The following GLT8D2 variants were observed in gnomAD, a reference collection of about 807,000 sequenced individuals.
GLT8D2 encodes glycosyltransferase 8 domain containing 2, also known as glycosyltransferase 8 domain-containing protein 2.
In GLT8D2, 45 loss-of-function variants were observed where a neutral mutation model predicts 44.5. That is an observed-to-expected ratio of 1.01 (90% confidence interval 0.80 to 1.30). GLT8D2 has a LOEUF of 1.30. GLT8D2 is among the 50% of genes most tolerant of loss of function. The pLI, the probability that GLT8D2 is intolerant of heterozygous loss-of-function variation, is 0.00. For synonymous variants in GLT8D2, 156 were observed against 157.2 expected (o/e 0.99, Z 0.06); for missense variants, 400 against 430.4 (o/e 0.93, Z 0.62).
intron 1 of GLT8D2, among the ~76,000 whole-genome samples, chr12:104,063,686 C>A (rs1324540934): frequency 2.0e-5 from 3 of 152,112 alleles, no homozygotes; most frequent in Non-Finnish European, 4.4e-5. Flanking sequence ...GTGTTGGAAT[C>A]CTGGCCCCAG....
intron 1 of GLT8D2, among the ~76,000 whole-genome samples, chr12:104,021,943 A>AGG (rs1877820675): frequency 4.6e-5 from 1 of 21,636 alleles, no homozygotes; most frequent in Non-Finnish European, 8.9e-5. Context: ...GAAGAAGAAG[A>AGG]AGAAGAAGAA....
intron 3 of GLT8D2, among the ~76,000 whole-genome samples, chr12:104,018,600 G>T (rs189040425): frequency 6.6e-6 from 1 of 152,112 alleles, no homozygotes; most frequent in African/African-American, 2.4e-5. Context: ...ACGGCCGGGC[G>T]CAGTGCCTCA....
chr12:103,990,683 A>C (rs1872645022), intron 10 of GLT8D2, among the ~76,000 whole-genome samples: 1 of 152,222 alleles, frequency 6.6e-6, no homozygotes, highest in Non-Finnish European at 1.5e-5. Context: ...TCTGTTACTA[A>C]TAAACATAGC....
intron 1 of GLT8D2, among the ~76,000 whole-genome samples, chr12:104,047,122 C>T (rs559311312): frequency 3.9e-5 from 6 of 152,244 alleles, no homozygotes; most frequent in Middle Eastern, 3.4e-3. Context: ...AGCCACCATG[C>T]CAGCCTGAAC....
At chr12:104,009,937 C>T (rs575034067) in intron 4 of GLT8D2, among the ~76,000 whole-genome samples, 2 of 152,126 alleles carry the variant, frequency 1.3e-5, no homozygotes, top group South Asian at 4.1e-4. Flanking sequence ...CCAATTAAAC[C>T]TCTTTTTTTC....
At chr12:104,063,485 G>A (rs546173847) in intron 1 of GLT8D2, among the ~76,000 whole-genome samples, 12 of 152,288 alleles carry the variant, frequency 7.9e-5, no homozygotes, top group African/African-American at 2.4e-4. Flanking sequence ...GCTCGAGCTT[G>A]CAGTGAGCTC....
intron 4 of GLT8D2, among the ~76,000 whole-genome samples, chr12:104,007,662 G>A (rs1875252786): frequency 6.6e-6 from 1 of 152,222 alleles, no homozygotes. Context: ...GGAATTAGGA[G>A]TGATTTTGAT....
chr12:104,013,106 C>T (rs575818265), intron 4 of GLT8D2, among the ~76,000 whole-genome samples: 1 of 152,172 alleles, frequency 6.6e-6, no homozygotes, highest in African/African-American at 2.4e-5. Flanking sequence ...CCATTGTAAG[C>T]GTACAGTACA....
At chr12:104,053,134 G>A (rs1007874088), upstream of GLT8D2, among the ~76,000 whole-genome samples, 1 of 152,148 alleles carries the variant, frequency 6.6e-6, no homozygotes, top group Non-Finnish European at 1.5e-5. Context: ...ACATGTCCCA[G>A]GCATCATGTG....
Position 104,055,284 on chromosome 12 carries a change from C to T in GLT8D2, c.-422-4996G>A, listed in dbSNP as rs114106839. Among the ~76,000 whole-genome samples, 1,488 of 152,308 alleles carry T rather than the reference C, an allele frequency of 9.8e-3. 26 individuals carry two copies. Among genetic ancestry groups the T allele is most frequent in the African/African-American group, 0.034 (1,393 of 41,548 alleles). ...AGTCAGAGGGCAAGAAGCTCAAGTGCTATAATCCATTCAGGTCAGCCTCTC... is the reference window on the plus strand; with the variant it reads ...AGTCAGAGGGCAAGAAGCTCAAGTGTTATAATCCATTCAGGTCAGCCTCTC... On this transcript the variant is annotated intron_variant, in intron 1 of 10. Transcript: ENST00000548660.
intron 1 of GLT8D2, among the ~76,000 whole-genome samples, chr12:104,027,130 C>T (rs1385663): frequency 0.89 from 136,197 of 152,264 alleles, 61,011 homozygotes; most frequent in East Asian, 1. Flanking sequence ...TTTATTTTCC[C>T]GGGCTATAGA....
upstream of GLT8D2, among the ~76,000 whole-genome samples, chr12:104,051,680 T>A (rs1183747134): frequency 6.6e-6 from 1 of 152,114 alleles, no homozygotes; most frequent in Non-Finnish European, 1.5e-5. Flanking sequence ...ATTCCTCCTA[T>A]CTAGCTATAA....
At chr12:104,060,648 C>T (rs551937732) in intron 1 of GLT8D2, among the ~76,000 whole-genome samples, 29 of 152,226 alleles carry the variant, frequency 1.9e-4, no homozygotes, top group South Asian at 8.3e-4. Context: ...AGAGGCTGGG[C>T]GCAGTGGCTC....
intron 1 of GLT8D2, among the ~76,000 whole-genome samples, chr12:104,062,896 G>A (rs902434882): frequency 3.3e-5 from 5 of 152,126 alleles, no homozygotes; most frequent in Non-Finnish European, 7.4e-5. Context: ...CGGCCTGTTC[G>A]GAACCCCCAT....
chr12:104,056,937 A>G lies in GLT8D2; in HGVS notation c.-422-6649T>C, dbSNP rs140111528. On this transcript the variant is annotated intron_variant, in intron 1 of 10. Transcript: ENST00000548660. ...AACATTGTAAAAAATGGACGATAGA[A>G]TTTGCCAATAAAGATAAAAGTGAAG... Among the ~76,000 whole-genome samples, 1,318 of 152,346 alleles carry G rather than the reference A, an allele frequency of 8.7e-3. 20 individuals carry two copies. Among genetic ancestry groups the G allele is most frequent in the African/African-American group, 0.029 (1,217 of 41,584 alleles).
rs68019401 is a variant in GLT8D2 at position 104,045,937 on chromosome 12, A to AAGAAAGAAAGAG, written c.-164+3957_-164+3958insCTCTTTCTTTCT. On this transcript the variant is annotated intron_variant, in intron 1 of 10. Transcript: ENST00000360814. ...AAAGAAAGAAAGAAAGAAAGAAAGA[A>AAGAAAGAAAGAG]AAAGAAAGAAAGAAAGAAAATAAGA... 7.7e-3 allele frequency among the ~76,000 whole-genome samples: 873 copies of AAGAAAGAAAGAG among 113,626 alleles called. 16 individuals carry two copies. Among genetic ancestry groups the AAGAAAGAAAGAG allele is most frequent in the East Asian group, 0.055 (212 of 3,872 alleles). 74.5% of individuals were successfully genotyped at this position (113,626 alleles called of 152,430 possible).
chr12:104,019,301 T>A (rs1006371388), intron 3 of GLT8D2, among the ~76,000 whole-genome samples: 14 of 151,974 alleles, frequency 9.2e-5, no homozygotes, highest in Admixed American at 2.0e-4. Context: ...CTAATTTTTG[T>A]ATTTTTTGTA....
intron 10 of GLT8D2, among the ~76,000 whole-genome samples, chr12:103,993,052 C>T (rs1431155150): frequency 1.3e-5 from 2 of 152,104 alleles, no homozygotes; most frequent in Non-Finnish European, 2.9e-5. Context: ...ACATTTGCGG[C>T]CGGGCATGGT....
chr12:103,992,142 T>G (rs1465383063), intron 10 of GLT8D2, among the ~76,000 whole-genome samples: 3 of 152,230 alleles, frequency 2.0e-5, no homozygotes, highest in African/African-American at 7.2e-5. Context: ...TCAGGGATTG[T>G]GGCCATGTGT....
Sources: allele counts gnomAD v4.1 joint callset (sites outside exome capture counted in the v4.1 genomes callset), GRCh38; gene constraint gnomAD v4.1.1; transcripts MANE v1.5; gene names NCBI Gene and HGNC (gene_info 2026-07-23, HGNC 2026-07-21).